OPCML: variants seen among roughly 807,000 people sequenced by gnomAD.
OPCML encodes the protein opioid binding protein/cell adhesion molecule like, also known as opioid-binding protein/cell adhesion molecule.
OPCML carries 13 observed loss-of-function variants against 37.8 expected under a neutral mutation model. The ratio of observed to expected loss-of-function variants is 0.34; its 90% CI spans 0.22 to 0.55. The LOEUF (loss-of-function observed/expected upper bound fraction) is 0.55, where lower values mean the gene tolerates loss of function less well. Among genes scored for constraint, OPCML ranks in the 20% least tolerant of loss-of-function variants. OPCML has a pLI of 0.91. For missense variants in OPCML, 341 were observed against 435.6 expected (o/e 0.78, Z 1.93); for synonymous variants, 176 against 168.8 (o/e 1.04, Z -0.33).
At chr11:132,837,781 GC>G (rs1941102355) in intron 2 of OPCML, among the ~76,000 whole-genome samples, 2 of 152,120 alleles carry the variant, frequency 1.3e-5, no homozygotes, top group African/African-American at 4.8e-5. Context: ...ACAGGGCATG[GC>G]GGGGGAAGGC....
At chr11:133,193,061 A>T (rs953622689) in intron 1 of OPCML, among the ~76,000 whole-genome samples, 85 of 152,218 alleles carry the variant, frequency 5.6e-4, no homozygotes, top group Admixed American at 1.0e-3. Flanking sequence ...CCTGACCAAA[A>T]AAAACCAGAA....
intron 1 of OPCML, among the ~76,000 whole-genome samples, chr11:133,180,289 G>A (rs137959022): frequency 6.6e-6 from 1 of 152,238 alleles, no homozygotes; most frequent in Non-Finnish European, 1.5e-5. Flanking sequence ...TATGCATTAC[G>A]AATGGGTAAA....
At chr11:132,574,650 A>G (rs1236603317) in intron 3 of OPCML, among the ~76,000 whole-genome samples, 1 of 151,764 alleles carries the variant, frequency 6.6e-6, no homozygotes, top group African/African-American at 2.4e-5. Context: ...AATTTTCTTA[A>G]TTTTGCTGAG....
chr11:133,023,136 G>GT (rs1262048171), intron 1 of OPCML, among the ~76,000 whole-genome samples: 2 of 152,310 alleles, frequency 1.3e-5, no homozygotes, highest in Admixed American at 1.3e-4. Flanking sequence ...TGCAACAGTT[G>GT]TAGGACTCAG....
intron 3 of OPCML, among the ~76,000 whole-genome samples, chr11:132,563,061 G>C (rs923357039): frequency 6.6e-6 from 1 of 152,148 alleles, no homozygotes; most frequent in African/African-American, 2.4e-5. Flanking sequence ...CTCCTCTTCA[G>C]TGGCACACAG....
At chr11:132,971,310 G>C (rs1300124004) in intron 1 of OPCML, among the ~76,000 whole-genome samples, 1 of 152,136 alleles carries the variant, frequency 6.6e-6, no homozygotes, top group Non-Finnish European at 1.5e-5. Flanking sequence ...ACAGTTTGCT[G>C]TGCCACTTTT....
intron 1 of OPCML, among the ~76,000 whole-genome samples, chr11:133,040,481 G>A (rs918216349): frequency 2.6e-5 from 4 of 152,158 alleles, no homozygotes; most frequent in African/African-American, 9.7e-5. Context: ...CCTTCCAAAT[G>A]GAATGTCCAT....
chr11:132,549,320 G>C (rs1214110326), intron 3 of OPCML, among the ~76,000 whole-genome samples: 5 of 152,136 alleles, frequency 3.3e-5, no homozygotes, highest in African/African-American at 9.7e-5. Context: ...GGTCTAAAAG[G>C]GGGAGGAACC....
intron 3 of OPCML, among the ~76,000 whole-genome samples, chr11:132,545,611 G>A (rs1403132999): frequency 6.6e-6 from 1 of 152,034 alleles, no homozygotes; most frequent in African/African-American, 2.4e-5. Context: ...TATTCCTACA[G>A]ATTTGTATAA....
rs369003190 is a variant in OPCML at position 132,599,884 on chromosome 11, G to T, written c.379+57203C>A. On this transcript the variant is annotated intron_variant, in intron 3 of 7. Coordinates refer to ENST00000524381, the MANE Select transcript of OPCML (RefSeq NM_001012393.5). ...ACATTTCCTTTTAGGGGAAAATCAGGTTATTTTCTGGGACGCTTTTGGATA... is the reference window on the plus strand; with the variant it reads ...ACATTTCCTTTTAGGGGAAAATCAGTTTATTTTCTGGGACGCTTTTGGATA... 1.1e-3 allele frequency among the ~76,000 whole-genome samples: 163 copies of T among 152,240 alleles called. 5 individuals carry two copies. The South Asian group carries it at 0.032, about 30-fold the overall frequency.
intron 1 of OPCML, among the ~76,000 whole-genome samples, chr11:133,513,181 A>AAC (rs57856256): frequency 6.6e-6 from 1 of 151,726 alleles, no homozygotes; most frequent in African/African-American, 2.4e-5. Context: ...TAAAAAAAAA[A>AAC]TGGTTTCTCA....
intron 3 of OPCML, among the ~76,000 whole-genome samples, chr11:132,637,374 C>T (rs1202140553): frequency 2.0e-5 from 3 of 152,084 alleles, no homozygotes; most frequent in African/African-American, 7.2e-5. Flanking sequence ...TGGAATCGTA[C>T]GCTAGCCTTT....
At chr11:132,754,369 C>T (rs115361614) in intron 2 of OPCML, among the ~76,000 whole-genome samples, 1,623 of 152,150 alleles carry the variant, frequency 0.011, 28 homozygotes, top group African/African-American at 0.036. Flanking sequence ...CAAGATCTGA[C>T]GGTTTTTAAA....
At chr11:133,278,986 C>G (rs1003343961) in intron 1 of OPCML, among the ~76,000 whole-genome samples, 6 of 152,200 alleles carry the variant, frequency 3.9e-5, no homozygotes, top group Admixed American at 1.3e-4. Flanking sequence ...AACTCCAAAG[C>G]CTGTGCAATC....
chr11:133,338,847 A>G (rs963604693), intron 1 of OPCML, among the ~76,000 whole-genome samples: 1 of 152,212 alleles, frequency 6.6e-6, no homozygotes, highest in African/African-American at 2.4e-5. Context: ...TATCCTCCAC[A>G]TGTGAGACTT....
At chr11:132,743,688 G>T (rs1945512301) in intron 2 of OPCML, among the ~76,000 whole-genome samples, 2 of 152,170 alleles carry the variant, frequency 1.3e-5, no homozygotes, top group Admixed American at 1.3e-4. Context: ...AATCAAGCCT[G>T]CTGGTGTCAC....
intron 3 of OPCML, among the ~76,000 whole-genome samples, chr11:132,547,611 A>G (rs2096371648): frequency 6.6e-6 from 1 of 152,170 alleles, no homozygotes; most frequent in Non-Finnish European, 1.5e-5. Flanking sequence ...CAGATTTATT[A>G]TCTTTGAAGA....
chr11:132,441,158 C>CTTTTTTTTTT lies in OPCML; in HGVS notation c.506-3800_506-3799insAAAAAAAAAA, dbSNP rs749099654. ...ATTCTGAAGATGTGTTCACCAAGGA[C>CTTTTTTTTTT]TTTTTTGTTTTTTTTTTTTTTTTTT... On this transcript the variant is annotated intron_variant, in intron 4 of 7. Transcript: ENST00000524381. 1.3e-4 allele frequency among the ~76,000 whole-genome samples: 14 copies of CTTTTTTTTTT among 108,042 alleles called. 1 individual carries two copies. Among genetic ancestry groups the CTTTTTTTTTT allele is most frequent in the East Asian group, 2.5e-4 (1 of 3,960 alleles). 70.9% of individuals were successfully genotyped at this position (108,042 alleles called of 152,430 possible).
intron 2 of OPCML, among the ~76,000 whole-genome samples, chr11:132,677,532 C>G (rs952834997): frequency 6.6e-6 from 1 of 152,088 alleles, no homozygotes; most frequent in South Asian, 2.1e-4. Flanking sequence ...CTAATCAAGA[C>G]AGCATGTATT....
Sources: gnomAD v4.1 joint callset for allele counts (sites outside exome capture counted in the v4.1 genomes callset) on GRCh38, gnomAD v4.1.1 for gene constraint, MANE v1.5 for transcripts, NCBI Gene and HGNC (gene_info 2026-07-23, HGNC 2026-07-21) for gene names.